ADK: variants seen among roughly 807,000 people sequenced by gnomAD.
ADK encodes adenosine kinase.
A neutral mutation model predicts 44.7 loss-of-function variants in ADK; 24 were observed. The observed-to-expected ratio is 0.54, with a 90% CI of 0.39 to 0.76. The LOEUF (loss-of-function observed/expected upper bound fraction) is 0.76, where lower values mean the gene tolerates loss of function less well. Among genes scored for constraint, ADK ranks in the 30% least tolerant of loss-of-function variants. The probability of loss-of-function intolerance (pLI) is 0.00; values close to 1 mark genes in which losing one functional copy is unlikely to be tolerated. For synonymous variants in ADK, 128 were observed against 142.6 expected (o/e 0.90, Z 0.73); for missense variants, 321 against 425.1 (o/e 0.76, Z 2.15).
intron 7 of ADK, among the ~76,000 whole-genome samples, chr10:74,561,618 A>C (rs1850463095): frequency 6.6e-6 from 1 of 152,228 alleles, no homozygotes; most frequent in African/African-American, 2.4e-5. Context: ...GAGTACTTTC[A>C]ATACAAATAG....
chr10:74,571,642 A>AT (rs1850967888), intron 7 of ADK, among the ~76,000 whole-genome samples: 2 of 150,506 alleles, frequency 1.3e-5, no homozygotes, highest in Non-Finnish European at 3.0e-5. Context: ...ATATCCCCTT[A>AT]TTTTTTATTG....
At chr10:74,448,769 C>A (rs1332586045) in intron 6 of ADK, among the ~76,000 whole-genome samples, 1 of 152,128 alleles carries the variant, frequency 6.6e-6, no homozygotes, top group East Asian at 1.9e-4. Context: ...CCAGTTCTCG[C>A]TTATATACAA....
chr10:74,598,319 A>G (rs1851993941), intron 8 of ADK, among the ~76,000 whole-genome samples: 1 of 132,834 alleles, frequency 7.5e-6, no homozygotes, highest in Non-Finnish European at 1.8e-5. Flanking sequence ...TTGTCCTTTA[A>G]TTGCCATTTT....
intron 7 of ADK, among the ~76,000 whole-genome samples, chr10:74,581,513 A>G (rs1284801646): frequency 6.6e-6 from 1 of 152,184 alleles, no homozygotes; most frequent in Non-Finnish European, 1.5e-5. Context: ...TTGAAGACAT[A>G]AGGGCTGAAA....
intron 4 of ADK, among the ~76,000 whole-genome samples, chr10:74,351,643 T>C (rs1380754338): frequency 6.6e-6 from 1 of 152,184 alleles, no homozygotes; most frequent in Non-Finnish European, 1.5e-5. Context: ...TGTTTGCAGA[T>C]GACATGATTG....
Position 74,363,945 on chromosome 10 carries a change from G to T in ADK, c.274-30196G>T, listed in dbSNP as rs148221980. Among the ~76,000 whole-genome samples the T allele has an allele frequency of 1.9e-4, 29 of 152,262 alleles. 1 individual carries two copies. The highest frequency in any genetic ancestry group is 7.0e-4 in the African/African-American group (29 of 41,556). The stretch of plus-strand genomic sequence containing the variant: ...CCCTACTGCAGCAGGAGGAGCTGAG[G>T]CTGAGTCTGGGGCCTCCCTTGGGAT... On this transcript the variant is annotated intron_variant, in intron 4 of 10. Coordinates refer to ENST00000539909, the MANE Select transcript of ADK (RefSeq NM_006721.4).
intron 3 of ADK, among the ~76,000 whole-genome samples, chr10:74,276,903 C>G (rs1249790746): frequency 2.0e-5 from 3 of 146,732 alleles, no homozygotes; most frequent in Non-Finnish European, 4.5e-5. Flanking sequence ...TTGGGTTTAT[C>G]TATTGTTCCT....
intron 7 of ADK, among the ~76,000 whole-genome samples, chr10:74,583,483 G>A (rs566314686): frequency 6.6e-6 from 1 of 152,278 alleles, no homozygotes; most frequent in South Asian, 2.1e-4. Flanking sequence ...GGTATACAAA[G>A]CCATTTAGAT....
intron 7 of ADK, among the ~76,000 whole-genome samples, chr10:74,529,062 C>T (rs1849176684): frequency 6.6e-6 from 1 of 152,092 alleles, no homozygotes; most frequent in Non-Finnish European, 1.5e-5. Context: ...TAATTGTACA[C>T]CAATGTCCAT....
At chr10:74,620,275 T>C (rs969062368) in intron 9 of ADK, among the ~76,000 whole-genome samples, 8 of 152,212 alleles carry the variant, frequency 5.3e-5, no homozygotes, top group Non-Finnish European at 1.0e-4. Flanking sequence ...TCCTCCTTCT[T>C]ACCCTTCCCA....
At chr10:74,375,616 A>G (rs929762827) in intron 4 of ADK, among the ~76,000 whole-genome samples, 2 of 152,054 alleles carry the variant, frequency 1.3e-5, no homozygotes, top group African/African-American at 4.8e-5. Context: ...CTCTTATTAG[A>G]GTCAGTCAAG....
rs757350563 is a variant in ADK at position 74,695,618 on chromosome 10, GGGTGT to G, written c.965-12701_965-12697del. Among the ~76,000 whole-genome samples the G allele has an allele frequency of 6.2e-3, 664 of 106,826 alleles. 11 individuals carry two copies. The highest frequency in any genetic ancestry group is 0.022 in the African/African-American group (618 of 28,604). The allele number at this position is 106,826 out of a possible 152,430, so 70.1% of individuals were successfully genotyped here. ...CTTTTACAATTCCTGTGTATGTGTGGGGTGTGTGTGTGTGTGTGTGTGTGTGTGTG... is the reference window on the plus strand; with the variant it reads ...CTTTTACAATTCCTGTGTATGTGTGGGTGTGTGTGTGTGTGTGTGTGTGTG... On this transcript the variant is annotated intron_variant, in intron 10 of 10. Coordinates refer to ENST00000539909, the MANE Select transcript of ADK (RefSeq NM_006721.4).
At chr10:74,167,598 A>G (rs1326747896) in intron 1 of ADK, among the ~76,000 whole-genome samples, 1 of 152,288 alleles carries the variant, frequency 6.6e-6, no homozygotes, top group Middle Eastern at 3.4e-3. Flanking sequence ...TGGTTTCTTC[A>G]GCTGGGTAGT....
intron 10 of ADK, among the ~76,000 whole-genome samples, chr10:74,685,927 G>A (rs1336516836): frequency 6.6e-6 from 1 of 152,004 alleles, no homozygotes; most frequent in Non-Finnish European, 1.5e-5. Flanking sequence ...CAGTGGTTAA[G>A]ACACTGGGTC....
At chr10:74,388,429 T>C (rs902365843) in intron 4 of ADK, among the ~76,000 whole-genome samples, 1 of 152,228 alleles carries the variant, frequency 6.6e-6, no homozygotes, top group East Asian at 1.9e-4. Flanking sequence ...GGGATTGCAT[T>C]GAACTTATGA....
intron 10 of ADK, among the ~76,000 whole-genome samples, chr10:74,684,506 C>T (rs1430558665): frequency 6.6e-6 from 1 of 152,132 alleles, no homozygotes; most frequent in Non-Finnish European, 1.5e-5. Flanking sequence ...CGCAGTGGCT[C>T]ATACCTGTAA....
intron 8 of ADK, among the ~76,000 whole-genome samples, chr10:74,599,317 T>A (rs7088329): frequency 0.82 from 125,012 of 152,190 alleles, 52,008 homozygotes; most frequent in African/African-American, 0.96. Flanking sequence ...ATTTCACCAC[T>A]AATTGTCATC....
In ADK at chr10:74,463,480, C is replaced by T. The variant is rs73290265; in HGVS notation, c.556-61776C>T. On this transcript the variant is annotated intron_variant, in intron 6 of 10. Coordinates refer to ENST00000539909, the MANE Select transcript of ADK (RefSeq NM_006721.4). ...CACAATTCACAATAGGGTTCGCACT[C>T]TAATGAGAATCTAATGCCGCCAGTT... 8.1e-3 allele frequency among the ~76,000 whole-genome samples: 1,232 copies of T among 152,212 alleles called. 19 individuals are homozygous for T. Among genetic ancestry groups the T allele is most frequent in the African/African-American group, 0.028 (1,157 of 41,526 alleles).
At chr10:74,475,026 G>A (rs767660498) in intron 6 of ADK, among the ~76,000 whole-genome samples, 4 of 152,038 alleles carry the variant, frequency 2.6e-5, no homozygotes, top group Non-Finnish European at 5.9e-5. Flanking sequence ...TTGGGAGGCT[G>A]AAGCAGGAGA....
Sources: allele counts gnomAD v4.1 joint callset (sites outside exome capture counted in the v4.1 genomes callset), GRCh38; gene constraint gnomAD v4.1.1; transcripts MANE v1.5; gene names NCBI Gene and HGNC (gene_info 2026-07-23, HGNC 2026-07-21).